The following RASL11B variants were observed in gnomAD, a reference collection of about 807,000 sequenced individuals.
RASL11B encodes ras-like protein family member 11B.
In RASL11B, 14 loss-of-function variants were observed where a neutral mutation model predicts 22.9. That is an observed-to-expected ratio of 0.61 (90% confidence interval 0.40 to 0.96). The LOEUF (loss-of-function observed/expected upper bound fraction) is 0.96. Among genes scored for constraint, RASL11B ranks in the 40% least tolerant of loss-of-function variants. The probability of loss-of-function intolerance (pLI) is 0.00; values close to 1 mark genes in which losing one functional copy is unlikely to be tolerated. For synonymous variants in RASL11B, 143 were observed against 130.2 expected (o/e 1.10, Z -0.67); for missense variants, 261 against 322.0 (o/e 0.81, Z 1.45).
At position 52,865,637 on chromosome 4, in the gene RASL11B, C is replaced by G; in HGVS notation, c.579C>G (p.Ala193=). ...AAAATTATAATGATGTCTACAGCGC[C>G]TTCCACGTCCTCTGTAAAGAGGTCA... ...VSENYNDVYS[A]FHVLCKEVSH... The change falls in exon 4 of 4, where the codon GCC becomes GCG. Residue 193 remains alanine (A), a synonymous_variant. Transcript: ENST00000248706. The G allele has an allele frequency of 6.2e-7, 1 of 1,614,190 alleles. No homozygotes were observed. Among genetic ancestry groups the G allele is most frequent in the South Asian group, 1.1e-5 (1 of 91,086 alleles).
At position 52,865,336 on chromosome 4, in the gene RASL11B, T is replaced by A; in HGVS notation, c.278T>A (p.Val93Asp). The stretch of plus-strand genomic sequence containing the variant: ...CTTGCCATCACTCCTCTCTTTCAGG[T>A]CCATGAGAACAGCCTGAGCTGCAGT... ...LQVQDTPGIQVHENSLSCSEQ... is the reference protein window; with the variant it reads ...LQVQDTPGIQDHENSLSCSEQ... The change falls in exon 4 of 4, where the codon GTC (valine) becomes GAC (aspartate). Residue 93 changes from valine to aspartate, a missense_variant and splice_region_variant. Val to Asp is a radical substitution (Grantham distance 152). Coordinates refer to ENST00000248706, the MANE Select transcript of RASL11B (RefSeq NM_023940.3). 1.2e-6 allele frequency: 2 copies of A among 1,602,030 alleles called. No individual in the cohort carries two copies. Among genetic ancestry groups the A allele is most frequent in the Non-Finnish European group, 1.7e-6 (2 of 1,170,924 alleles).
intron 1 of RASL11B, among the ~76,000 whole-genome samples, chr4:52,862,855 G>A (rs1273253193): frequency 1.3e-5 from 2 of 152,222 alleles, no homozygotes; most frequent in African/African-American, 2.4e-5. Flanking sequence ...GATCAAGAAT[G>A]GCCAGGCAGC....
Position 52,864,549 on chromosome 4 carries a change from A to G in RASL11B, c.271A>G (p.Ile91Val). Residue 91 changes from isoleucine to valine, a missense_variant, in exon 3 of 4, where the codon ATT becomes GTT. Ile to Val is a conservative substitution (Grantham distance 29, BLOSUM62 3). Transcript: ENST00000248706. ...TCTTCAGGTTCAAGACACTCCAGGT[A>G]TTCAGGTGAGAAGCTCTGAGACTCT... is the stretch of plus-strand genomic sequence containing the variant. ...LALQVQDTPG[I>V]QVHENSLSCS... 6.2e-7 allele frequency: 1 copy of G among 1,603,314 alleles called. No homozygotes were observed. The highest frequency in any genetic ancestry group is 1.1e-5 in the South Asian group (1 of 90,826).
chr4:52,865,202 G>A (rs913703209), intron 3 of RASL11B, 133 bp from the exon 4 acceptor site: 2 of 636,810 alleles, frequency 3.1e-6, no homozygotes, highest in African/African-American at 3.7e-5. Context: ...GCTGAAGTGT[G>A]TGGGATATAA....
Position 52,862,490 on chromosome 4 carries a change from T to A in RASL11B, c.-18T>A, listed in dbSNP as rs138521266. 2.9e-3 allele frequency: 4,645 copies of A among 1,598,330 alleles called. 77 individuals are homozygous for A. The African/African-American group carries it at 0.042, about 14-fold the overall frequency. ...AGTCCCTCAGTCCCTTCCCGCGCGG[T>A]GCGCCGCAGCCGAGGCGATGCGCCT... On this transcript the variant is annotated 5_prime_UTR_variant, in exon 1 of 4. Coordinates refer to ENST00000248706, the MANE Select transcript of RASL11B (RefSeq NM_023940.3).
chr4:52,862,573 C>A lies in RASL11B; in HGVS notation c.66C>A (p.Ser22=). 2 of 1,603,894 alleles carry A rather than the reference C, an allele frequency of 1.2e-6. No homozygotes were observed. Among genetic ancestry groups the A allele is most frequent in the Non-Finnish European group, 1.7e-6 (2 of 1,177,116 alleles). ...CCGCGCCGGGCAACGCCGCGGCCTCCGACTGCTGTGTGGGCGCCGCCGGCC... is the reference window on the plus strand; with the variant it reads ...CCGCGCCGGGCAACGCCGCGGCCTCAGACTGCTGTGTGGGCGCCGCCGGCC... The part of the protein sequence containing the change: ...EYPAPGNAAA[S]DCCVGAAGRR... The change falls in exon 1 of 4, where the codon TCC becomes TCA. Residue 22 remains serine (S), a synonymous_variant. Transcript: ENST00000248706.
rs919250367 is a variant in RASL11B at position 52,862,800 on chromosome 4, C to T, written c.142+151C>T. Reference sequence around the variant, plus strand: ...GCTGCCCCTTGGGAGTGGGCTTAGCCGTTGTCTACGCCACCCGCCTGCTTC... The same window carrying T: ...GCTGCCCCTTGGGAGTGGGCTTAGCTGTTGTCTACGCCACCCGCCTGCTTC... On this transcript the variant is annotated intron_variant, in intron 1 of 3. Transcript: ENST00000248706. The T allele has an allele frequency of 3.6e-5, 33 of 917,218 alleles. No homozygotes were observed. The South Asian group carries it at 5.6e-4, about 15-fold the overall frequency. 56.8% of individuals were successfully genotyped at this position (917,218 alleles called of 1,614,324 possible).
At chr4:52,864,332 C>A in intron 2 of RASL11B, 146 bp from the exon 3 acceptor site, 1 of 558,400 alleles carries the variant, frequency 1.8e-6, no homozygotes. Flanking sequence ...TAAAAAAAAT[C>A]TGAAGTAAGC....
chr4:52,863,255 T>G lies in RASL11B; in HGVS notation c.143-13T>G. The G allele has an allele frequency of 6.2e-7, 1 of 1,612,864 alleles. No homozygotes were observed. ...AAGGTTAACACTTTGACGTTCTTTT[T>G]TCTGACGTGCAGCACTGGTGGTCCG... On this transcript the variant is annotated splice_polypyrimidine_tract_variant and intron_variant, in intron 1 of 3. Coordinates refer to ENST00000248706, the MANE Select transcript of RASL11B (RefSeq NM_023940.3).
rs1482260467 is a variant in RASL11B at position 52,865,365 on chromosome 4, C to T, written c.307C>T (p.Gln103Ter). 1 of 1,613,030 alleles carries T rather than the reference C, an allele frequency of 6.2e-7. No homozygotes were observed. Among genetic ancestry groups the T allele is most frequent in the African/African-American group, 1.3e-5 (1 of 74,922 alleles). Residue 103 changes from glutamine (Q) to a stop codon, truncating the protein, a stop_gained, in exon 4 of 4, where the codon CAG becomes TAG. Coordinates refer to ENST00000248706, the MANE Select transcript of RASL11B (RefSeq NM_023940.3). LOFTEE classifies it high-confidence loss of function. ...VHENSLSCSEQLNRCIRWADA... is the reference protein window; with the variant it reads ...VHENSLSCSE ...TGAGAACAGCCTGAGCTGCAGTGAACAGCTGAATAGGTGCATTCGCTGGGC... is the reference window on the plus strand; with the variant it reads ...TGAGAACAGCCTGAGCTGCAGTGAATAGCTGAATAGGTGCATTCGCTGGGC...
Position 52,862,614 on chromosome 4 carries a change from T to G in RASL11B, c.107T>G (p.Ile36Ser). 1 of 1,592,554 alleles carries G rather than the reference T, an allele frequency of 6.3e-7. No individual in the cohort carries two copies. Among genetic ancestry groups the G allele is most frequent in the Non-Finnish European group, 8.5e-7 (1 of 1,174,574 alleles). The change falls in exon 1 of 4, where the codon ATC (isoleucine) becomes AGC (serine). Residue 36 changes from isoleucine to serine, a missense_variant. Physicochemically the swap from Ile to Ser is moderately radical, Grantham distance 142. Transcript: ENST00000248706. ...GCCGCCGGCCGCCGCCTGGTCAAGA[T>G]CGCCGTGGTGGGCGCCAGCGGCGTG... ...VGAAGRRLVK[I>S]AVVGASGVGK...
At position 52,862,481 on chromosome 4, in the gene RASL11B, C is replaced by A. The variant is rs765950935; in HGVS notation, c.-27C>A. 10 of 1,599,998 alleles carry A rather than the reference C, an allele frequency of 6.3e-6. No individual in the cohort carries two copies. In the South Asian group the frequency reaches 1.0e-4, roughly 16 times the overall value. On this transcript the variant is annotated 5_prime_UTR_variant, in exon 1 of 4. Coordinates refer to ENST00000248706, the MANE Select transcript of RASL11B (RefSeq NM_023940.3). ...GCATTCTCCAGTCCCTCAGTCCCTTCCCGCGCGGTGCGCCGCAGCCGAGGC... is the reference window on the plus strand; with the variant it reads ...GCATTCTCCAGTCCCTCAGTCCCTTACCGCGCGGTGCGCCGCAGCCGAGGC...
chr4:52,862,445 G>A lies in RASL11B; in HGVS notation c.-63G>A. ...CAGTCGGGTCCTCCCGCCCGCTCCC[G>A]CGCAGCGCTAGCATTCTCCAGTCCC... is the stretch of plus-strand genomic sequence containing the variant. On this transcript the variant is annotated 5_prime_UTR_variant, in exon 1 of 4. Coordinates refer to ENST00000248706, the MANE Select transcript of RASL11B (RefSeq NM_023940.3). The A allele has an allele frequency of 7.0e-7, 1 of 1,427,470 alleles. No homozygotes were observed. The highest frequency in any genetic ancestry group is 9.3e-7 in the Non-Finnish European group (1 of 1,076,460). The allele number at this position is 1,427,470 out of a possible 1,614,324, so 88.4% of individuals were successfully genotyped here.
chr4:52,866,069 G>A lies in RASL11B; in HGVS notation c.*264G>A. 1 of 492,254 alleles carries A rather than the reference G, an allele frequency of 2.0e-6. No homozygotes were observed. The highest frequency in any genetic ancestry group is 5.3e-4 in the Middle Eastern group (1 of 1,880). 30.5% of individuals were successfully genotyped at this position (492,254 alleles called of 1,614,324 possible). On this transcript the variant is annotated 3_prime_UTR_variant, in exon 4 of 4. Transcript: ENST00000248706. ...TGTGTCTTTTCCTTTAGAGTGGGGA[G>A]GGGGCATAATCGTTTCGGTTTCTGC...
intron 3 of RASL11B, among the ~76,000 whole-genome samples, 200 bp downstream of exon 3, chr4:52,864,754 C>A (rs755402837): frequency 1.3e-5 from 2 of 152,202 alleles, no homozygotes; most frequent in Non-Finnish European, 2.9e-5. Flanking sequence ...GGCTAGGGGG[C>A]AGAAATCTTC....
intron 3 of RASL11B, among the ~76,000 whole-genome samples, chr4:52,864,887 T>G (rs927753460): frequency 2.0e-5 from 3 of 152,184 alleles, no homozygotes; most frequent in African/African-American, 7.2e-5. Flanking sequence ...AAACCAAGCT[T>G]CTGGGTATAG....
chr4:52,865,110 G>C (rs1718232901), intron 3 of RASL11B, among the ~76,000 whole-genome samples: 1 of 152,164 alleles, frequency 6.6e-6, no homozygotes, highest in Non-Finnish European at 1.5e-5. Flanking sequence ...TTCTCTGCAG[G>C]TCAATTTTCC....
Position 52,863,275 on chromosome 4 carries a change from G to A in RASL11B, c.150G>A (p.Val50=). Residue 50 remains valine, a synonymous_variant, in exon 2 of 4, where the codon GTG becomes GTA. Coordinates refer to ENST00000248706, the MANE Select transcript of RASL11B (RefSeq NM_023940.3). ...GASGVGKTAL[V]VRFLTKRFIG... is the part of the protein sequence containing the mutation. The stretch of plus-strand genomic sequence containing the variant: ...CTTTTTTCTGACGTGCAGCACTGGT[G>A]GTCCGGTTCCTCACCAAACGATTCA... 6.2e-7 allele frequency: 1 copy of A among 1,613,670 alleles called. No homozygotes were observed. Among genetic ancestry groups the A allele is most frequent in the Non-Finnish European group, 8.5e-7 (1 of 1,179,750 alleles).
chr4:52,862,365 A>ACCCCCCCCCC lies in RASL11B; in HGVS notation c.-139_-138insCCCCCCCCCC. The ACCCCCCCCCC allele has an allele frequency of 4.1e-6, 1 of 242,444 alleles. No individual in the cohort carries two copies. Among genetic ancestry groups the ACCCCCCCCCC allele is most frequent in the South Asian group, 7.2e-5 (1 of 13,854 alleles). The allele number at this position is 242,444 out of a possible 1,614,324, so 15.0% of individuals were successfully genotyped here. On this transcript the variant is annotated 5_prime_UTR_variant, in exon 1 of 4. Transcript: ENST00000248706. ...CTGCGGAACCTCGGCGCTCGGCCCC[A>ACCCCCCCCCC]CCCCGCCCGTACCTGCACTTATTTA... is the stretch of plus-strand genomic sequence containing the variant.
Sources: gnomAD v4.1 joint callset for allele counts (sites outside exome capture counted in the v4.1 genomes callset) on GRCh38, gnomAD v4.1.1 for gene constraint, MANE v1.5 for transcripts, NCBI Gene and HGNC (gene_info 2026-07-23, HGNC 2026-07-21) for gene names.